Variants in CDK5RAP3 observed in about 807,000 individuals in gnomAD.
CDK5RAP3 encodes the protein CDK5 regulatory subunit-associated protein 3.
A neutral mutation model predicts 73.3 loss-of-function variants in CDK5RAP3; 58 were observed. The observed-to-expected ratio is 0.79, with a 90% CI of 0.64 to 0.98. The LOEUF is 0.98. Among genes scored for constraint, CDK5RAP3 ranks in the 50% least tolerant of loss-of-function variants. CDK5RAP3 has a pLI of 0.00. For missense variants in CDK5RAP3, 525 were observed against 615.8 expected (o/e 0.85, Z 1.56); for synonymous variants, 224 against 247.5 (o/e 0.91, Z 0.89).
At chr17:47,971,049 C>T (rs1329545115), upstream of CDK5RAP3, 5 of 1,545,908 alleles carry the variant, frequency 3.2e-6, no homozygotes, top group African/African-American at 2.7e-5. Context: ...GAAGGATGCC[C>T]GTTTGTGTCT....
intron 12 of CDK5RAP3, 88 bp downstream of exon 12, chr17:47,980,886 C>T (rs554308666): frequency 1.5e-6 from 2 of 1,346,268 alleles, no homozygotes; most frequent in Non-Finnish European, 2.1e-6. Context: ...CCCCTTAAAC[C>T]CCATCCCTGC....
rs369670867 is a variant in CDK5RAP3, at chr17:47,981,469, G to A, written c.1488G>A (p.Gly496=). The change falls in exon 14 of 14, where the codon GGG becomes GGA. Residue 496 remains glycine (G), a synonymous_variant. Coordinates refer to ENST00000338399, the MANE Select transcript of CDK5RAP3 (RefSeq NM_176096.3). ...CTGACATCTCCAAGAGGTACAGCGG[G>A]CGCCCTGTGAACCTGATGGGAACCT... ...IEADISKRYS[G]RPVNLMGTSL 6.2e-7 allele frequency: 1 copy of A among 1,614,138 alleles called. No individual in the cohort carries two copies. Among genetic ancestry groups the A allele is most frequent in the Non-Finnish European group, 8.5e-7 (1 of 1,180,058 alleles).
At chr17:47,969,279 G>A (rs989797931), upstream of CDK5RAP3, among the ~76,000 whole-genome samples, 1 of 151,966 alleles carries the variant, frequency 6.6e-6, no homozygotes, top group African/African-American at 2.4e-5. Flanking sequence ...ACCCAGGGCC[G>A]GGCGCGGTGG....
At position 47,973,475 on chromosome 17, in the gene CDK5RAP3, G is replaced by A. The variant is rs1026976483; in HGVS notation, c.53-44G>A. 8 of 1,595,188 alleles carry A rather than the reference G, an allele frequency of 5.0e-6. No homozygotes were observed. In the Admixed American group the frequency reaches 1.4e-4, roughly 27 times the overall value. ...CACTCGAATTAGTGATGGAATTTTGGTGATGTGAATGGGAATGCTCTAATT... is the reference window on the plus strand; with the variant it reads ...CACTCGAATTAGTGATGGAATTTTGATGATGTGAATGGGAATGCTCTAATT... On this transcript the variant is annotated intron_variant, in intron 2 of 13. Transcript: ENST00000338399.
intron 7 of CDK5RAP3, 74 bp from the exon 8 acceptor site, chr17:47,975,795 T>C (rs1347978014): frequency 1.2e-6 from 2 of 1,603,870 alleles, no homozygotes; most frequent in Non-Finnish European, 1.7e-6. Flanking sequence ...CATTTGACCA[T>C]GTGGCCCAGG....
At chr17:47,977,770 T>G in intron 9 of CDK5RAP3, 62 bp from the exon 10 acceptor site, 1 of 1,414,342 alleles carries the variant, frequency 7.1e-7, no homozygotes, top group Non-Finnish European at 9.9e-7. Context: ...TTTGGTTTAT[T>G]CTGGCTCCTT....
At chr17:47,969,181 ACTATG>A (rs2036217204), upstream of CDK5RAP3, among the ~76,000 whole-genome samples, 1 of 152,154 alleles carries the variant, frequency 6.6e-6, no homozygotes. Context: ...GCTGTATCAC[ACTATG>A]CATTTCAATC....
intron 1 of CDK5RAP3, 72 bp downstream of exon 1, chr17:47,971,224 G>C (rs1034942148): frequency 6.5e-7 from 1 of 1,531,308 alleles, no homozygotes; most frequent in African/African-American, 1.4e-5. Context: ...GTCTCCCTCC[G>C]GAAGCGGCTC....
At chr17:47,974,180 A>T (rs2144219455) in intron 4 of CDK5RAP3, 149 bp downstream of exon 4, 1 of 713,236 alleles carries the variant, frequency 1.4e-6, no homozygotes, top group South Asian at 1.8e-5. Flanking sequence ...TTACTCCAAA[A>T]GTGGATCCTA....
intron 5 of CDK5RAP3, chr17:47,974,864 A>C: frequency 7.6e-7 from 1 of 1,314,914 alleles, no homozygotes. Context: ...GGTGTAGTAT[A>C]AATAATAATA....
intron 9 of CDK5RAP3, 38 bp from the exon 10 acceptor site, chr17:47,977,794 T>C (rs200755189): frequency 3.8e-6 from 6 of 1,569,894 alleles, no homozygotes; most frequent in Non-Finnish European, 5.3e-6. Context: ...TCAGGAAAAT[T>C]CTCCCCCCAT....
At position 47,975,515 on chromosome 17, in the gene CDK5RAP3, G is replaced by A. The variant is rs61741124; in HGVS notation, c.515G>A (p.Gly172Asp). ...CTCCACCTCTTCTCCCCTCTCTAGG[G>A]CGAAAATGTCCGAGGAGAACTGCTG... ...YHSCKQYGITGENVRGELLAL... is the reference protein window; with the variant it reads ...YHSCKQYGITDENVRGELLAL... Residue 172 changes from glycine (G) to aspartate (D), a missense_variant and splice_region_variant, in exon 7 of 14, where the codon GGC (glycine) becomes GAC (aspartate). Around this residue, in one of 2 missense-constraint regions of CDK5RAP3, gnomAD observed 409 missense variants for 429.8 expected, o/e 0.95. Transcript: ENST00000338399. 3.0e-4 allele frequency: 479 copies of A among 1,610,826 alleles called. 1 individual carries two copies. The African/African-American group carries it at 5.5e-3, about 19-fold the overall frequency.
At chr17:47,975,410 C>G in intron 6 of CDK5RAP3, 73 bp downstream of exon 6, 2 of 1,603,926 alleles carry the variant, frequency 1.2e-6, no homozygotes, top group Non-Finnish European at 1.7e-6. Flanking sequence ...CCCCGTCTGA[C>G]CCCTCAGCCT....
intron 7 of CDK5RAP3, 51 bp from the exon 8 acceptor site, chr17:47,975,818 G>A: frequency 6.2e-7 from 1 of 1,612,114 alleles, no homozygotes; most frequent in Non-Finnish European, 8.5e-7. Flanking sequence ...AAAGCCCAGT[G>A]TTGGCCTTAC....
intron 9 of CDK5RAP3, among the ~76,000 whole-genome samples, 162 bp from the exon 10 acceptor site, chr17:47,977,670 G>A (rs7503584): frequency 0.2 from 31,120 of 152,164 alleles, 3,280 homozygotes; most frequent in Admixed American, 0.29. Flanking sequence ...GAGCAGGGAT[G>A]ATGGGCCATA....
chr17:47,974,172 A>C, intron 4 of CDK5RAP3, 141 bp downstream of exon 4: 1 of 722,106 alleles, frequency 1.4e-6, no homozygotes, highest in Non-Finnish European at 2.4e-6. Context: ...TCTATAGTTT[A>C]CTCCAAAAGT....
In CDK5RAP3 at chr17:47,975,898, G is replaced by A. The variant is rs368942321; in HGVS notation, c.683G>A (p.Arg228Gln). Residue 228 changes from arginine (R) to glutamine (Q), a missense_variant, in exon 8 of 14, where the codon CGG becomes CAG. Around this residue, in one of 2 missense-constraint regions of CDK5RAP3, gnomAD observed 409 missense variants for 429.8 expected, o/e 0.95. Coordinates refer to ENST00000338399, the MANE Select transcript of CDK5RAP3 (RefSeq NM_176096.3). ...SPTEQVLPML[R>Q]FVQKRGNSTV... ...ACAGAGCAGGTGTTGCCAATGCTGC[G>A]GTTCGTGCAGAAGCGGGGAAACTCA... 104 of 1,614,070 alleles carry A rather than the reference G, an allele frequency of 6.4e-5. No homozygotes were observed. Among genetic ancestry groups the A allele is most frequent in the Non-Finnish European group, 8.0e-5 (94 of 1,180,040 alleles).
At chr17:47,973,708 C>T in intron 3 of CDK5RAP3, 58 bp downstream of exon 3, 1 of 1,592,914 alleles carries the variant, frequency 6.3e-7, no homozygotes, top group East Asian at 2.2e-5. Context: ...TATGTATCAG[C>T]TGAGCTACTC....
chr17:47,971,851 C>T (rs927605703), intron 2 of CDK5RAP3, among the ~76,000 whole-genome samples: 1 of 152,010 alleles, frequency 6.6e-6, no homozygotes, highest in South Asian at 2.1e-4. Context: ...AAAAAGTAGC[C>T]GGGCATGGGA....
Sources: gnomAD v4.1 joint callset for allele counts (sites outside exome capture counted in the v4.1 genomes callset) on GRCh38, gnomAD v4.1.1 for gene constraint, gnomAD v4.1.1 regional missense constraint, MANE v1.5 for transcripts, NCBI Gene and HGNC (gene_info 2026-07-23, HGNC 2026-07-21) for gene names.